DNM1L: variants seen among roughly 807,000 people sequenced by gnomAD.
The protein encoded by DNM1L is dynamin 1L.
Under a neutral mutation model 92.8 loss-of-function variants are expected in DNM1L, and 33 were observed. The observed-to-expected ratio is 0.36, with a 90% CI of 0.27 to 0.48. The LOEUF (loss-of-function observed/expected upper bound fraction) is 0.48. DNM1L is among the 20% of genes least tolerant of loss of function. The pLI, the probability that DNM1L is intolerant of heterozygous loss-of-function variation, is 0.99. For synonymous variants in DNM1L, 284 were observed against 305.0 expected (o/e 0.93, Z 0.72); for missense variants, 485 against 888.8 (o/e 0.55, Z 5.78).
chr12:32,730,970 C>T (rs770862399), intron 9 of DNM1L, 44 bp from the exon 10 acceptor site: 2 of 1,612,172 alleles, frequency 1.2e-6, no homozygotes, highest in African/African-American at 1.3e-5. Flanking sequence ...TATCTTCTTT[C>T]CCTTTTTGCA....
At chr12:32,701,385 AT>A (rs776955672) in intron 1 of DNM1L, 29 bp from the exon 2 acceptor site, 2 of 1,607,850 alleles carry the variant, frequency 1.2e-6, no homozygotes, top group Non-Finnish European at 1.7e-6. Context: ...TAAGAAACTC[AT>A]TTTGCTCTTG....
chr12:32,722,201 T>G (rs1176714981), intron 8 of DNM1L, among the ~76,000 whole-genome samples: 1 of 152,158 alleles, frequency 6.6e-6, no homozygotes, highest in Non-Finnish European at 1.5e-5. Flanking sequence ...GTCATCTCAT[T>G]AGCATGCAGA....
Position 32,745,621 on chromosome 12 carries a change from T to A in DNM1L, c.*2211T>A, listed in dbSNP as rs1306953789. The A allele has an allele frequency of 6.6e-6, 1 of 152,410 alleles. No homozygotes were observed. Among genetic ancestry groups the A allele is most frequent in the African/African-American group, 2.4e-5 (1 of 41,458 alleles). 9.4% of individuals were successfully genotyped at this position (152,410 alleles called of 1,614,324 possible). A position where few individuals can be genotyped will look rare whatever the true frequency, so the allele number is the denominator to read the frequency against. On this transcript the variant is annotated 3_prime_UTR_variant, in exon 20 of 20. Coordinates refer to ENST00000549701, the MANE Select transcript of DNM1L (RefSeq NM_012062.5). Reference sequence around the variant, plus strand: ...GAGACAAAAGGAGCTTTTTAATACCTAATCTACTTTGGAACATAACCGTAT... The same window carrying A: ...GAGACAAAAGGAGCTTTTTAATACCAAATCTACTTTGGAACATAACCGTAT...
chr12:32,741,405 C>T (rs1213607428), intron 18 of DNM1L, among the ~76,000 whole-genome samples: 1 of 152,192 alleles, frequency 6.6e-6, no homozygotes, highest in Non-Finnish European at 1.5e-5. Flanking sequence ...CCTGCCTCAG[C>T]CTCCTGAGTA....
chr12:32,711,133 T>C lies in DNM1L; in HGVS notation c.456+118T>C, dbSNP rs570048396. On this transcript the variant is annotated intron_variant, in intron 5 of 19. Coordinates refer to ENST00000549701, the MANE Select transcript of DNM1L (RefSeq NM_012062.5). ...GATCTGTTAGCAGCATTTGATAACG[T>C]TGAGCCCTCCTTTCTCCTTGAAACA... 1.4e-4 allele frequency: 124 copies of C among 874,008 alleles called. 1 individual carries two copies. The highest frequency in any genetic ancestry group is 2.1e-4 in the Non-Finnish European group (111 of 530,678). 54.1% of individuals were successfully genotyped at this position (874,008 alleles called of 1,614,324 possible).
intron 1 of DNM1L, among the ~76,000 whole-genome samples, chr12:32,688,029 G>C (rs928433740): frequency 1.3e-5 from 2 of 151,968 alleles, no homozygotes; most frequent in African/African-American, 2.4e-5. Flanking sequence ...GGGTTCAAGC[G>C]ATCCAACCAC....
chr12:32,694,154 G>A (rs1199518398), intron 1 of DNM1L, among the ~76,000 whole-genome samples: 2 of 152,174 alleles, frequency 1.3e-5, no homozygotes, highest in African/African-American at 4.8e-5. Flanking sequence ...CACAGTCTTG[G>A]CTCACTACAA....
chr12:32,742,720 G>A lies in DNM1L; in HGVS notation c.2126G>A (p.Arg709His), dbSNP rs776702636. Residue 709 changes from arginine to histidine, a missense_variant, in exon 19 of 20, where the codon CGC becomes CAC. Arg to His is a conservative substitution (Grantham distance 29, BLOSUM62 0). Transcript: ENST00000549701. ...ACAGAATCTGAGGACATGGCACAGC[G>A]CAGGAAAGAAGCAGCTGATATGCTA... is the stretch of plus-strand genomic sequence containing the variant. ...LLTESEDMAQRRKEAADMLKA... is the reference protein window; with the variant it reads ...LLTESEDMAQHRKEAADMLKA... 13 of 1,614,016 alleles carry A rather than the reference G, an allele frequency of 8.1e-6. No individual in the cohort carries two copies. The highest frequency in any genetic ancestry group is 3.3e-5 in the Admixed American group (2 of 60,006).
rs141462545 is a variant in DNM1L at position 32,686,541 on chromosome 12, C to T, written c.102+7076C>T. Among the ~76,000 whole-genome samples the T allele has an allele frequency of 1.5e-3, 228 of 152,234 alleles. 1 individual carries two copies. The highest frequency in any genetic ancestry group is 2.8e-3 in the Non-Finnish European group (190 of 68,028). Reference sequence around the variant, plus strand: ...TAAACCACATTGGTTTATTCAATCACCTATTGATGAGCAATTGGGTTGTTT... The same window carrying T: ...TAAACCACATTGGTTTATTCAATCATCTATTGATGAGCAATTGGGTTGTTT... On this transcript the variant is annotated intron_variant, in intron 1 of 19. Transcript: ENST00000549701.
chr12:32,685,538 T>G (rs1951975362), intron 1 of DNM1L, among the ~76,000 whole-genome samples: 1 of 151,924 alleles, frequency 6.6e-6, no homozygotes, highest in African/African-American at 2.4e-5. Flanking sequence ...CTTTTTGTAT[T>G]TTTAGTAGAG....
chr12:32,687,606 C>G (rs956686803), intron 1 of DNM1L, among the ~76,000 whole-genome samples: 1 of 151,882 alleles, frequency 6.6e-6, no homozygotes, highest in East Asian at 1.9e-4. Context: ...TCACGCCGGG[C>G]TATTTTTTTT....
intron 9 of DNM1L, among the ~76,000 whole-genome samples, chr12:32,724,797 G>A (rs1047866172): frequency 6.6e-6 from 1 of 150,832 alleles, no homozygotes; most frequent in Non-Finnish European, 1.5e-5. Flanking sequence ...GTCAACACTG[G>A]CATTACAAAT....
chr12:32,733,362 T>TA (rs796124181), intron 12 of DNM1L: 49 of 239,540 alleles, frequency 2.0e-4, no homozygotes, highest in African/African-American at 1.1e-3. Flanking sequence ...TGACAGGGAA[T>TA]AGTGGATGAT....
intron 2 of DNM1L, among the ~76,000 whole-genome samples, chr12:32,702,233 C>CAAAAAAAA (rs1179046487): frequency 2.5e-5 from 2 of 81,336 alleles, no homozygotes; most frequent in African/African-American, 4.2e-5. Context: ...GACTCCGTCT[C>CAAAAAAAA]AAAAAAAAAA....
At chr12:32,735,101 A>C (rs1954784048) in intron 13 of DNM1L, among the ~76,000 whole-genome samples, 1 of 152,158 alleles carries the variant, frequency 6.6e-6, no homozygotes, top group Admixed American at 6.5e-5. Flanking sequence ...ATCATGAAAA[A>C]CTTGTGTTTG....
At position 32,680,418 on chromosome 12, in the gene DNM1L, G is replaced by A. The variant is rs531226633; in HGVS notation, c.102+953G>A. On this transcript the variant is annotated intron_variant, in intron 1 of 19. Transcript: ENST00000549701. ...CGGTTTCCCCATCATTTTCCAGGAG[G>A]TACATAGTATAGGGTATAAGTGCTA... is the stretch of plus-strand genomic sequence containing the variant. Among the ~76,000 whole-genome samples the A allele has an allele frequency of 2.6e-5, 4 of 152,248 alleles. No homozygotes were observed. The East Asian group carries it at 7.7e-4, about 29-fold the overall frequency.
intron 18 of DNM1L, 48 bp from the exon 19 acceptor site, chr12:32,742,541 A>G (rs1955381536): frequency 6.2e-7 from 1 of 1,612,304 alleles, no homozygotes; most frequent in African/African-American, 1.3e-5. Context: ...CCAAATTGTT[A>G]AAAGTAGAAT....
In DNM1L at chr12:32,733,791, T is replaced by C; in HGVS notation, c.1523T>C (p.Met508Thr). The change falls in exon 13 of 20, where the codon ATG becomes ACG. Residue 508 changes from methionine to threonine, a missense_variant. By Grantham distance (81) the Met-to-Thr change is moderately conservative. This residue lies in a region of DNM1L where 65 missense variants were observed against 59.4 expected (regional missense o/e 1.09). Coordinates refer to ENST00000549701, the MANE Select transcript of DNM1L (RefSeq NM_012062.5). ...HPDFADACGL[M>T]NNNIEEQRRN... ...GACTTTGCTGATGCTTGTGGGCTAATGAACAATAATATAGAGGTAAATATA... is the reference window on the plus strand; with the variant it reads ...GACTTTGCTGATGCTTGTGGGCTAACGAACAATAATATAGAGGTAAATATA... The C allele has an allele frequency of 6.2e-7, 1 of 1,613,852 alleles. No homozygotes were observed. Among genetic ancestry groups the C allele is most frequent in the Non-Finnish European group, 8.5e-7 (1 of 1,179,812 alleles).
chr12:32,702,438 A>G (rs12821132), intron 2 of DNM1L, among the ~76,000 whole-genome samples: 15,082 of 152,100 alleles, frequency 0.099, 1,020 homozygotes, highest in Middle Eastern at 0.2. Flanking sequence ...CTTCCTATTT[A>G]GTTCAGTATT....
Sources: allele counts gnomAD v4.1 joint callset (sites outside exome capture counted in the v4.1 genomes callset), GRCh38; gene constraint gnomAD v4.1.1; regional missense constraint gnomAD v4.1.1; transcripts MANE v1.5; gene names NCBI Gene and HGNC (gene_info 2026-07-23, HGNC 2026-07-21).